Variants in FGF1 observed in about 807,000 individuals in gnomAD.
FGF1 encodes the protein fibroblast growth factor 1.
A neutral mutation model predicts 13.4 loss-of-function variants in FGF1; 9 were observed. The ratio of observed to expected loss-of-function variants is 0.67; its 90% CI spans 0.40 to 1.17. The LOEUF (loss-of-function observed/expected upper bound fraction) is 1.17. Among genes scored for constraint, FGF1 ranks in the 50% most tolerant of loss-of-function variants. FGF1 has a pLI of 0.01. For missense variants in FGF1, 156 were observed against 192.7 expected (o/e 0.81, Z 1.13); for synonymous variants, 93 against 79.0 (o/e 1.18, Z -0.94).
intron 2 of FGF1, among the ~76,000 whole-genome samples, chr5:142,607,028 C>G (rs960432158): frequency 4.6e-5 from 7 of 152,174 alleles, no homozygotes; most frequent in Admixed American, 4.6e-4. Flanking sequence ...AGGATGGTAG[C>G]TGATGTGTTA....
At chr5:142,662,276 T>C (rs1597374777) in intron 1 of FGF1, among the ~76,000 whole-genome samples, 1 of 152,216 alleles carries the variant, frequency 6.6e-6, no homozygotes, top group African/African-American at 2.4e-5. Flanking sequence ...GAATTATATC[T>C]CAAGCCGTTA....
At chr5:142,689,342 T>C (rs935570820), upstream of FGF1, among the ~76,000 whole-genome samples, 4 of 152,160 alleles carry the variant, frequency 2.6e-5, no homozygotes, top group African/African-American at 9.7e-5. Context: ...GGCAGTTAGA[T>C]GAAGGGTGTC....
chr5:142,603,415 C>T (rs1467817607), intron 2 of FGF1, among the ~76,000 whole-genome samples: 2 of 152,100 alleles, frequency 1.3e-5, no homozygotes, highest in African/African-American at 4.8e-5. Context: ...CCCACATCCT[C>T]TTCCTCCTCT....
chr5:142,663,564 G>A (rs1769705838), intron 1 of FGF1, among the ~76,000 whole-genome samples: 1 of 152,178 alleles, frequency 6.6e-6, no homozygotes, highest in Non-Finnish European at 1.5e-5. Context: ...GAGACAGAAG[G>A]CAAGAAGATA....
intron 1 of FGF1, among the ~76,000 whole-genome samples, chr5:142,655,419 T>G (rs150253707): frequency 6.6e-6 from 1 of 152,310 alleles, no homozygotes; most frequent in African/African-American, 2.4e-5. Context: ...GAGGCTGACC[T>G]AAGGTTCTGA....
chr5:142,652,867 C>G (rs1194722883), intron 1 of FGF1, among the ~76,000 whole-genome samples: 1 of 152,234 alleles, frequency 6.6e-6, no homozygotes, highest in African/African-American at 2.4e-5. Context: ...CTCCCTGTCC[C>G]CTCCACTTCC....
chr5:142,650,153 A>G (rs1766964762), intron 1 of FGF1, among the ~76,000 whole-genome samples: 1 of 152,176 alleles, frequency 6.6e-6, no homozygotes. Flanking sequence ...GTTTCCTCTG[A>G]GAAGGAGAAG....
At chr5:142,639,910 G>A (rs1436490500) in intron 1 of FGF1, among the ~76,000 whole-genome samples, 1 of 151,890 alleles carries the variant, frequency 6.6e-6, no homozygotes, top group African/African-American at 2.4e-5. Context: ...GAGAAAGGAT[G>A]GTGGGAGGGA....
chr5:142,624,593 G>A (rs1463164123), intron 1 of FGF1, among the ~76,000 whole-genome samples: 1 of 152,094 alleles, frequency 6.6e-6, no homozygotes, highest in Admixed American at 6.5e-5. Flanking sequence ...CTTTAATTTA[G>A]GATACTTTTA....
chr5:142,667,540 C>T (rs528247492), intron 1 of FGF1, among the ~76,000 whole-genome samples: 14 of 146,016 alleles, frequency 9.6e-5, no homozygotes, highest in Admixed American at 7.0e-4. Context: ...GAGCTGAGAT[C>T]GGGCCACTGC....
intron 1 of FGF1, among the ~76,000 whole-genome samples, chr5:142,656,345 T>TAA (rs11393714): frequency 2.8e-4 from 43 of 151,454 alleles, no homozygotes; most frequent in Middle Eastern, 3.4e-3. Flanking sequence ...ATATCTTGAT[T>TAA]AAAAAAAAAG....
rs150906453 is a variant in FGF1, at chr5:142,616,660, T to C, written c.-34-2499A>G. Among the ~76,000 whole-genome samples, 434 of 152,170 alleles carry C rather than the reference T, an allele frequency of 2.9e-3. 3 individuals are homozygous for C. Among genetic ancestry groups the C allele is most frequent in the African/African-American group, 0.01 (416 of 41,520 alleles). On this transcript the variant is annotated intron_variant, in intron 1 of 3. Transcript: ENST00000337706. ...TCTTACTCTCTGTCCCTCTGTCTCT[T>C]CCTGTCTCTCCACTCACTCCTCTCT...
At chr5:142,601,732 C>T (rs1348763074) in intron 2 of FGF1, among the ~76,000 whole-genome samples, 1 of 152,082 alleles carries the variant, frequency 6.6e-6, no homozygotes, top group Non-Finnish European at 1.5e-5. Flanking sequence ...AAGTCAGCAG[C>T]GTCCAGGTTG....
chr5:142,657,360 G>T (rs369779300), intron 1 of FGF1, among the ~76,000 whole-genome samples: 1 of 151,950 alleles, frequency 6.6e-6, no homozygotes, highest in South Asian at 2.1e-4. Context: ...ACCTGCTCCC[G>T]CCCCGTTCTC....
At chr5:142,682,440 T>C (rs1773887974) in intron 1 of FGF1, among the ~76,000 whole-genome samples, 1 of 152,142 alleles carries the variant, frequency 6.6e-6, no homozygotes. Context: ...AGCAAATACA[T>C]GGTACTCACT....
At chr5:142,621,668 A>G (rs962917997) in intron 1 of FGF1, among the ~76,000 whole-genome samples, 2 of 152,078 alleles carry the variant, frequency 1.3e-5, no homozygotes, top group African/African-American at 4.8e-5. Context: ...CTCTTCAGTG[A>G]TTTCCCATTG....
upstream of FGF1, among the ~76,000 whole-genome samples, chr5:142,687,513 C>T (rs1042706704): frequency 6.6e-6 from 1 of 152,134 alleles, no homozygotes; most frequent in South Asian, 2.1e-4. Context: ...CATGAACTAC[C>T]ACTTCTACAC....
intron 2 of FGF1, among the ~76,000 whole-genome samples, chr5:142,603,246 C>A (rs1325365328): frequency 2.0e-5 from 3 of 152,172 alleles, no homozygotes; most frequent in Admixed American, 6.5e-5. Context: ...CATGCTATAG[C>A]CTTCTCTCTG....
chr5:142,631,411 T>C (rs909442509), intron 1 of FGF1, among the ~76,000 whole-genome samples: 1 of 152,188 alleles, frequency 6.6e-6, no homozygotes, highest in African/African-American at 2.4e-5. Context: ...GAAGGGCCTT[T>C]TTCCTCAGGG....
Sources: allele counts gnomAD v4.1 joint callset (sites outside exome capture counted in the v4.1 genomes callset), GRCh38; gene constraint gnomAD v4.1.1; transcripts MANE v1.5; gene names NCBI Gene and HGNC (gene_info 2026-07-23, HGNC 2026-07-21).